The following LTBP1 variants were observed in gnomAD, a reference collection of about 807,000 sequenced individuals.
LTBP1 encodes latent-transforming growth factor beta-binding protein 1.
A neutral mutation model predicts 207.6 loss-of-function variants in LTBP1; 129 were observed. That is an observed-to-expected ratio of 0.62 (90% CI 0.54 to 0.72). The LOEUF is 0.72. Among genes scored for constraint, LTBP1 ranks in the 30% least tolerant of loss-of-function variants. LTBP1 has a pLI of 0.00. For synonymous variants in LTBP1, 963 were observed against 833.7 expected (o/e 1.16, Z -2.67); for missense variants, 2,281 against 2,217.2 (o/e 1.03, Z -0.58).
At position 32,947,710 on chromosome 2, in the gene LTBP1, C is replaced by T. The variant is rs1468939902; in HGVS notation, c.386C>T (p.Ala129Val). Reference sequence around the variant, plus strand: ...AATCCCGGCGGCCACCCGGCAGCCGCCCCGTTCACCAAACAAGGCAGGCAA... The same window carrying T: ...AATCCCGGCGGCCACCCGGCAGCCGTCCCGTTCACCAAACAAGGCAGGCAA... Reference protein sequence around the residue: ...HPNPGGHPAAAPFTKQGRQVV... With the variant: ...HPNPGGHPAAVPFTKQGRQVV... Residue 129 changes from alanine (A) to valine (V), a missense_variant, in exon 1 of 34, where the codon GCC (alanine) becomes GTC (valine). Ala to Val is a moderately conservative substitution (Grantham distance 64). Around this residue, in one of 3 missense-constraint regions of LTBP1, gnomAD observed 555 missense variants for 491.0 expected, o/e 1.13. Transcript: ENST00000404816. 3.3e-6 allele frequency: 5 copies of T among 1,530,454 alleles called. No homozygotes were observed. The highest frequency in any genetic ancestry group is 1.4e-5 in the African/African-American group (1 of 69,882). 94.8% of individuals were successfully genotyped at this position (1,530,454 alleles called of 1,614,324 possible). A position where few individuals can be genotyped will look rare whatever the true frequency, so the allele number is the denominator to read the frequency against.
In LTBP1 at chr2:33,341,729, A is replaced by AAAAAATATATAT. The variant is rs745445793; in HGVS notation, c.3731-1108_3731-1107insAAAATATATATA. ...CCGTCTCACTCAAAAAAAAAAAAAA[A>AAAAAATATATAT]ATATATATATATATATGTATATTTA... is the stretch of plus-strand genomic sequence containing the variant. On this transcript the variant is annotated intron_variant, in intron 24 of 33. Coordinates refer to ENST00000404816, the MANE Select transcript of LTBP1 (RefSeq NM_206943.4). Among the ~76,000 whole-genome samples, 100 of 93,610 alleles carry AAAAAATATATAT rather than the reference A, an allele frequency of 1.1e-3. 1 individual carries two copies. Among genetic ancestry groups the AAAAAATATATAT allele is most frequent in the South Asian group, 7.0e-3 (18 of 2,554 alleles). The allele number at this position is 93,610 out of a possible 152,430, so 61.4% of individuals were successfully genotyped here.
rs150167959 is a variant in LTBP1 at position 33,356,137 on chromosome 2, C to G, written c.4001-4460C>G. On this transcript the variant is annotated intron_variant, in intron 26 of 33. Coordinates refer to ENST00000404816, the MANE Select transcript of LTBP1 (RefSeq NM_206943.4). ...AGCCAAGGAGATGGTAGCTCAGTCT[C>G]AGATCCATCTCCCTGATGGACTAAA... Among the ~76,000 whole-genome samples the G allele has an allele frequency of 6.0e-3, 918 of 151,830 alleles. 7 individuals are homozygous for G. The highest frequency in any genetic ancestry group is 0.021 in the Middle Eastern group (6 of 292).
intron 2 of LTBP1, among the ~76,000 whole-genome samples, chr2:32,999,403 T>G (rs1302464570): frequency 2.1e-4 from 17 of 79,728 alleles, no homozygotes; most frequent in East Asian, 1.8e-3. Context: ...CTAGACATGG[T>G]GTGTGGAGAC....
At chr2:33,222,238 C>A in intron 9 of LTBP1, 87 bp downstream of exon 9, 1 of 919,864 alleles carries the variant, frequency 1.1e-6, no homozygotes, top group Non-Finnish European at 1.8e-6. Flanking sequence ...CTTGCTCATT[C>A]GCCCAGCCTG....
chr2:33,029,887 G>T (rs532815316), intron 3 of LTBP1, among the ~76,000 whole-genome samples: 1 of 152,232 alleles, frequency 6.6e-6, no homozygotes, highest in African/African-American at 2.4e-5. Context: ...AAACAATAAA[G>T]ATTCACCTAA....
intron 24 of LTBP1, among the ~76,000 whole-genome samples, chr2:33,336,398 G>T (rs2094553788): frequency 6.6e-6 from 1 of 152,194 alleles, no homozygotes; most frequent in Non-Finnish European, 1.5e-5. Flanking sequence ...TCCTCTGCCA[G>T]CTCTCCCGCT....
Position 33,121,201 on chromosome 2 carries a change from A to G in LTBP1, c.1033+10450A>G, listed in dbSNP as rs140991510. ...TTTTTTTTAGTTTCTTACATTATCC[A>G]TACAGGAAGATCCATTAAGAAAAAG... On this transcript the variant is annotated intron_variant, in intron 4 of 33. Transcript: ENST00000404816. Among the ~76,000 whole-genome samples, 282 of 109,868 alleles carry G rather than the reference A, an allele frequency of 2.6e-3. 2 individuals are homozygous for G. The highest frequency in any genetic ancestry group is 9.8e-3 in the African/African-American group (278 of 28,438). 72.1% of individuals were successfully genotyped at this position (109,868 alleles called of 152,430 possible). A position where few individuals can be genotyped will look rare whatever the true frequency, so the allele number is the denominator to read the frequency against.
intron 32 of LTBP1, 39 bp downstream of exon 32, chr2:33,389,345 G>A (rs2095295521): frequency 6.2e-7 from 1 of 1,610,934 alleles, no homozygotes; most frequent in Non-Finnish European, 8.5e-7. Flanking sequence ...ACTAAGTTGT[G>A]GTTGAAGATT....
intron 2 of LTBP1, among the ~76,000 whole-genome samples, chr2:33,018,638 T>G (rs1000431456): frequency 2.0e-5 from 3 of 152,096 alleles, no homozygotes; most frequent in Admixed American, 6.5e-5. Context: ...AGCAACAAAG[T>G]TTGCTCAGTT....
At chr2:33,056,860 T>A (rs895051599) in intron 3 of LTBP1, among the ~76,000 whole-genome samples, 1 of 152,072 alleles carries the variant, frequency 6.6e-6, no homozygotes, top group African/African-American at 2.4e-5. Context: ...GCAGCCTCCT[T>A]TTATTCTCTT....
At chr2:33,316,480 C>T (rs1324033823) in intron 24 of LTBP1, among the ~76,000 whole-genome samples, 1 of 152,092 alleles carries the variant, frequency 6.6e-6, no homozygotes, top group Non-Finnish European at 1.5e-5. Flanking sequence ...TTGTAAAGAG[C>T]AGAAGATTGT....
chr2:33,079,555 C>T (rs923582839), intron 3 of LTBP1, among the ~76,000 whole-genome samples: 5 of 152,074 alleles, frequency 3.3e-5, no homozygotes, highest in African/African-American at 1.2e-4. Flanking sequence ...CCATTTTTAC[C>T]ATATGATAAG....
At chr2:33,323,832 A>G (rs73925688) in intron 24 of LTBP1, among the ~76,000 whole-genome samples, 2,953 of 152,218 alleles carry the variant, frequency 0.019, 81 homozygotes, top group African/African-American at 0.06. Flanking sequence ...AGCCTTCCCT[A>G]TTTTTTGAAG....
At chr2:33,058,251 T>C (rs916154657) in intron 3 of LTBP1, among the ~76,000 whole-genome samples, 2 of 152,218 alleles carry the variant, frequency 1.3e-5, no homozygotes, top group African/African-American at 4.8e-5. Context: ...TAGAATTATG[T>C]TAGCATTAAA....
chr2:33,311,489 C>A, intron 23 of LTBP1, among the ~76,000 whole-genome samples: 2 of 146,516 alleles, frequency 1.4e-5, no homozygotes, highest in East Asian at 2.0e-4. Context: ...GGACTATTAC[C>A]TTTTAACAAA....
chr2:33,264,078 AC>A (rs1338129525), intron 15 of LTBP1, among the ~76,000 whole-genome samples: 1 of 151,764 alleles, frequency 6.6e-6, no homozygotes, highest in African/African-American at 2.4e-5. Context: ...ACACGGTGAA[AC>A]CCCATCTCTA....
intron 2 of LTBP1, among the ~76,000 whole-genome samples, chr2:32,973,155 C>T (rs1681168861): frequency 6.6e-6 from 1 of 152,038 alleles, no homozygotes. Context: ...TCTGTTAGGT[C>T]TACTTGTCCA....
At chr2:33,077,214 C>T (rs1436358754) in intron 3 of LTBP1, among the ~76,000 whole-genome samples, 1 of 152,176 alleles carries the variant, frequency 6.6e-6, no homozygotes, top group Non-Finnish European at 1.5e-5. Flanking sequence ...TGTATTGCTG[C>T]TTTAAAATTA....
chr2:33,332,402 A>C (rs1055228295), intron 24 of LTBP1, among the ~76,000 whole-genome samples: 3 of 140,682 alleles, frequency 2.1e-5, no homozygotes, highest in Non-Finnish European at 4.8e-5. Context: ...AAAAAAAGAG[A>C]GAGAGAGACA....
Sources: gnomAD v4.1 joint callset for allele counts (sites outside exome capture counted in the v4.1 genomes callset) on GRCh38, gnomAD v4.1.1 for gene constraint, gnomAD v4.1.1 regional missense constraint, MANE v1.5 for transcripts, NCBI Gene and HGNC (gene_info 2026-07-23, HGNC 2026-07-21) for gene names.